The following ANK2 variants were observed in gnomAD, a reference collection of about 807,000 sequenced individuals.
ANK2 encodes ankyrin 2, also known as ankyrin-2.
ANK2 carries 83 observed loss-of-function variants against 360.5 expected under a neutral mutation model. That is an observed-to-expected ratio of 0.23 (90% CI 0.19 to 0.28). ANK2 has a LOEUF of 0.28. Among genes scored for constraint, ANK2 ranks in the 10% least tolerant of loss-of-function variants. The probability of loss-of-function intolerance (pLI) is 1.00; values close to 1 mark genes in which losing one functional copy is unlikely to be tolerated. For missense variants in ANK2, 4,201 were observed against 4,795.7 expected (o/e 0.88, Z 3.66); for synonymous variants, 1,740 against 1,759.5 (o/e 0.99, Z 0.28).
At chr4:113,288,186 G>A (rs1161174139) in intron 19 of ANK2, among the ~76,000 whole-genome samples, 1 of 152,022 alleles carries the variant, frequency 6.6e-6, no homozygotes, top group Non-Finnish European at 1.5e-5. Context: ...TGCAGATTTT[G>A]TCACCCACAT....
intron 1 of ANK2, among the ~76,000 whole-genome samples, chr4:113,074,243 G>A (rs1217117841): frequency 6.6e-6 from 1 of 152,128 alleles, no homozygotes; most frequent in Non-Finnish European, 1.5e-5. Context: ...TGCTTACTGT[G>A]TTCAAGACCC....
At chr4:112,861,868 A>C (rs2068172473) in intron 1 of ANK2, among the ~76,000 whole-genome samples, 1 of 151,566 alleles carries the variant, frequency 6.6e-6, no homozygotes, top group Non-Finnish European at 1.5e-5. Flanking sequence ...AGAGAGAGAG[A>C]AACTCTCACA....
At chr4:113,287,048 T>A (rs973091214) in intron 18 of ANK2, among the ~76,000 whole-genome samples, 1 of 152,198 alleles carries the variant, frequency 6.6e-6, no homozygotes. Flanking sequence ...GAGCAGTTGA[T>A]GGTGCTGTAT....
At chr4:112,827,243 T>C in intron 1 of ANK2, 2 of 1,068,436 alleles carry the variant, frequency 1.9e-6, no homozygotes, top group Non-Finnish European at 2.9e-6. Context: ...AGAAAGGATT[T>C]AGAAGAAAGA....
At position 113,199,037 on chromosome 4, in the gene ANK2, A is replaced by T. The variant is rs140254310; in HGVS notation, c.312A>T (p.Ala104=). 8.1e-6 allele frequency: 13 copies of T among 1,613,412 alleles called. No homozygotes were observed. The highest frequency in any genetic ancestry group is 1.1e-5 in the Non-Finnish European group (13 of 1,179,510). The part of the protein sequence containing the change: ...TKKGNTALHI[A]SLAGQAEVVK... The stretch of plus-strand genomic sequence containing the variant: ...AGGGAAATACCGCTCTTCACATTGC[A>T]TCTTTGGCTGGACAAGCAGAAGTTG... The change falls in exon 4 of 46, where the codon GCA becomes GCT. Residue 104 remains alanine, a synonymous_variant. Transcript: ENST00000357077.
chr4:113,350,611 A>G, intron 37 of ANK2: 1 of 239,432 alleles, frequency 4.2e-6, no homozygotes, highest in Non-Finnish European at 8.2e-6. Context: ...ACATGACAGT[A>G]TCACTTTTTA....
chr4:112,760,323 A>G, the ANK2 span, among the ~76,000 whole-genome samples: 1 of 151,594 alleles, frequency 6.6e-6, no homozygotes, highest in Non-Finnish European at 1.5e-5. Context: ...AGTAGCTGGG[A>G]CTACAGGCGC....
intron 2 of ANK2, among the ~76,000 whole-genome samples, chr4:113,004,772 A>C (rs2052166909): frequency 6.6e-6 from 1 of 152,210 alleles, no homozygotes; most frequent in African/African-American, 2.4e-5. Context: ...GTTTGTCTAC[A>C]TCAGCATCAC....
chr4:113,110,853 T>G (rs1195145374), intron 1 of ANK2, among the ~76,000 whole-genome samples: 1 of 152,226 alleles, frequency 6.6e-6, no homozygotes, highest in East Asian at 1.9e-4. Context: ...GGCTTTGGGT[T>G]GGGAAACTGG....
intron 1 of ANK2, among the ~76,000 whole-genome samples, chr4:112,867,698 G>A (rs1386428972): frequency 1.4e-5 from 2 of 147,174 alleles, no homozygotes; most frequent in Non-Finnish European, 1.5e-5. Context: ...TTGGCATAAT[G>A]TTTTCTAGAT....
intron 1 of ANK2, among the ~76,000 whole-genome samples, chr4:113,152,841 C>G (rs1036875440): frequency 6.6e-6 from 1 of 151,916 alleles, no homozygotes; most frequent in Non-Finnish European, 1.5e-5. Flanking sequence ...ATTGAGGGTA[C>G]AGTGAGCCTT....
chr4:113,076,890 A>G (rs2154344374), intron 1 of ANK2, among the ~76,000 whole-genome samples: 1 of 152,252 alleles, frequency 6.6e-6, no homozygotes, highest in Non-Finnish European at 1.5e-5. Flanking sequence ...TTTGTAAGAA[A>G]AAATTCACTA....
chr4:113,275,373 G>C (rs2059862479), intron 15 of ANK2, among the ~76,000 whole-genome samples: 1 of 152,166 alleles, frequency 6.6e-6, no homozygotes. Context: ...GCTAATTAGA[G>C]CAAAATTAAT....
intron 1 of ANK2, among the ~76,000 whole-genome samples, chr4:112,860,763 T>C (rs2067745928): frequency 6.6e-6 from 1 of 150,792 alleles, no homozygotes; most frequent in Non-Finnish European, 1.5e-5. Flanking sequence ...TAATATTACT[T>C]TTTTTTTTGG....
intron 2 of ANK2, among the ~76,000 whole-genome samples, chr4:113,006,973 G>T (rs904731909): frequency 6.6e-6 from 1 of 152,024 alleles, no homozygotes; most frequent in African/African-American, 2.4e-5. Context: ...CAAGGAAAAT[G>T]GTTACTCTTC....
At chr4:113,377,941 T>C in intron 45 of ANK2, 1 of 272,838 alleles carries the variant, frequency 3.7e-6, no homozygotes, top group Admixed American at 5.4e-5. Context: ...TAAATAAAAC[T>C]CCAAACTTAA....
chr4:113,030,333 T>A (rs2060133443), intron 2 of ANK2, among the ~76,000 whole-genome samples: 2 of 152,102 alleles, frequency 1.3e-5, no homozygotes, highest in Admixed American at 1.3e-4. Flanking sequence ...ACAAGGAGAA[T>A]GTTTGACACA....
chr4:113,193,237 T>C (rs2098699131), intron 2 of ANK2, among the ~76,000 whole-genome samples: 1 of 152,218 alleles, frequency 6.6e-6, no homozygotes, highest in African/African-American at 2.4e-5. Context: ...GATCTGAGAA[T>C]AACTAATAAA....
At chr4:113,224,719 C>T (rs1562998051) in intron 4 of ANK2, among the ~76,000 whole-genome samples, 1 of 152,046 alleles carries the variant, frequency 6.6e-6, no homozygotes, top group Non-Finnish European at 1.5e-5. Context: ...TCATTTTCTA[C>T]TCTTGTGATA....
Sources: allele counts gnomAD v4.1 joint callset (sites outside exome capture counted in the v4.1 genomes callset), GRCh38; gene constraint gnomAD v4.1.1; transcripts MANE v1.5; gene names NCBI Gene and HGNC (gene_info 2026-07-23, HGNC 2026-07-21).